ME3: variants seen among roughly 807,000 people sequenced by gnomAD.
ME3 encodes NADP-dependent malic enzyme, mitochondrial.
ME3 carries 48 observed loss-of-function variants against 68.9 expected under a neutral mutation model. That is an observed-to-expected ratio of 0.70 (90% CI 0.55 to 0.89). ME3 has a LOEUF of 0.89. ME3 is among the 40% of genes least tolerant of loss of function. ME3 has a pLI of 0.00. For missense variants in ME3, 675 were observed against 797.4 expected, an observed-to-expected ratio of 0.85 and a Z score of 1.85; for synonymous variants, 320 against 318.8, an observed-to-expected ratio of 1.00 and a Z score of -0.04.
At chr11:86,640,809 CT>C (rs1944619411) in intron 2 of ME3, among the ~76,000 whole-genome samples, 1 of 152,190 alleles carries the variant, frequency 6.6e-6, no homozygotes, top group Non-Finnish European at 1.5e-5. Context: ...CATTCAGTTT[CT>C]TTTCTCTCCT....
chr11:86,497,998 G>A (rs1261091152), exon 6 of ME3: 2 of 1,610,410 alleles, frequency 1.2e-6, no homozygotes, highest in East Asian at 2.2e-5. Context: ...AGCACAGGGA[G>A]GCACTGCTGC....
chr11:86,510,183 T>A (rs771149854), intron 4 of ME3, among the ~76,000 whole-genome samples: 3 of 152,192 alleles, frequency 2.0e-5, no homozygotes, highest in Non-Finnish European at 4.4e-5. Flanking sequence ...CACTGCAGTA[T>A]GTCTTGTCTC....
chr11:86,447,718 C>G (rs917166187), intron 11 of ME3, among the ~76,000 whole-genome samples: 2 of 152,020 alleles, frequency 1.3e-5, no homozygotes, highest in African/African-American at 4.8e-5. Context: ...ATTAGCCAGG[C>G]ATGGTGGCGG....
At position 86,570,682 on chromosome 11, in the gene ME3, C is replaced by T. The variant is rs913205236; in HGVS notation, c.184-10859G>A. Reference sequence around the variant, plus strand: ...GAGTGGAGGATATGCTGCTCATTACCGCCCAGAACCAACTCTAAACCAGCC... The same window carrying T: ...GAGTGGAGGATATGCTGCTCATTACTGCCCAGAACCAACTCTAAACCAGCC... On this transcript the variant is annotated intron_variant, in intron 2 of 14. Transcript: ENST00000543262. Among the ~76,000 whole-genome samples, 7 of 152,296 alleles carry T rather than the reference C, an allele frequency of 4.6e-5. No homozygotes were observed. In the East Asian group the frequency reaches 7.7e-4, roughly 17 times the overall value.
Position 86,570,033 on chromosome 11 carries a change from A to G in ME3, c.184-10210T>C, listed in dbSNP as rs552865814. ...GAGCATTCCTCTGTATTTGCCTCAG[A>G]TCAGTCAGCCCACCTGCAAACAGGT... is the stretch of plus-strand genomic sequence containing the variant. On this transcript the variant is annotated intron_variant, in intron 2 of 14. Transcript: ENST00000543262. 3.3e-5 allele frequency among the ~76,000 whole-genome samples: 5 copies of G among 152,312 alleles called. No individual in the cohort carries two copies. In the South Asian group the frequency reaches 1.0e-3, roughly 32 times the overall value.
rs544899674 is a variant in ME3 at position 86,658,434 on chromosome 11, C to G, written c.183+13328G>C. On this transcript the variant is annotated intron_variant, in intron 2 of 14. Coordinates refer to ENST00000543262, the Ensembl canonical transcript of ME3. The stretch of plus-strand genomic sequence containing the variant: ...CACTGCACTCAGCCTGCAATTTTTC[C>G]TCTGCTTGCAAATAATATATGTAAC... Among the ~76,000 whole-genome samples the G allele has an allele frequency of 2.0e-5, 3 of 151,946 alleles. No homozygotes were observed. The South Asian group carries it at 6.3e-4, about 32-fold the overall frequency.
chr11:86,478,233 A>G (rs1341454272), intron 7 of ME3, among the ~76,000 whole-genome samples: 3 of 151,430 alleles, frequency 2.0e-5, no homozygotes. Flanking sequence ...AATGATCTAT[A>G]AAGGCCATCC....
At chr11:86,463,167 T>C (rs1238650570) in intron 8 of ME3, among the ~76,000 whole-genome samples, 1 of 152,172 alleles carries the variant, frequency 6.6e-6, no homozygotes, top group Non-Finnish European at 1.5e-5. Context: ...CGTGTTCCTG[T>C]GCCTGTGTTT....
At chr11:86,535,418 C>T (rs923465774) in intron 4 of ME3, among the ~76,000 whole-genome samples, 1 of 152,122 alleles carries the variant, frequency 6.6e-6, no homozygotes, top group Non-Finnish European at 1.5e-5. Flanking sequence ...GAGGACTGGA[C>T]ATTATTATTA....
chr11:86,477,528 C>A (rs955622336), intron 7 of ME3, among the ~76,000 whole-genome samples: 14 of 152,132 alleles, frequency 9.2e-5, no homozygotes, highest in African/African-American at 3.4e-4. Context: ...TCCCCGCCAC[C>A]CATAAGACCC....
At chr11:86,519,383 A>AG (rs1294513412) in intron 4 of ME3, among the ~76,000 whole-genome samples, 2 of 152,232 alleles carry the variant, frequency 1.3e-5, no homozygotes, top group African/African-American at 4.8e-5. Context: ...TTATTTCTTG[A>AG]GAAAAAGACT....
intron 7 of ME3, among the ~76,000 whole-genome samples, chr11:86,469,050 C>A (rs188902084): frequency 4.6e-5 from 7 of 151,020 alleles, no homozygotes; most frequent in Non-Finnish European, 8.8e-5. Flanking sequence ...TTTTGATAGC[C>A]TTACAGGTTC....
intron 4 of ME3, among the ~76,000 whole-genome samples, chr11:86,556,227 G>T (rs1427781684): frequency 1.3e-5 from 2 of 152,186 alleles, no homozygotes; most frequent in Admixed American, 6.5e-5. Flanking sequence ...CTTTGGAGGT[G>T]ACCAGAGGGG....
intron 6 of ME3, among the ~76,000 whole-genome samples, chr11:86,497,070 C>T (rs535876323): frequency 2.0e-5 from 3 of 151,584 alleles, no homozygotes; most frequent in African/African-American, 7.3e-5. Flanking sequence ...CAACCTCTGC[C>T]TCCCAGGTTC....
intron 5 of ME3, among the ~76,000 whole-genome samples, chr11:86,501,175 T>TATA (rs5793199): frequency 0.57 from 84,482 of 147,084 alleles, 24,463 homozygotes; most frequent in South Asian, 0.66. Context: ...ATAAAATGCA[T>TATA]ATAATAATAA....
chr11:86,642,689 G>C (rs916561718), intron 2 of ME3, among the ~76,000 whole-genome samples: 2 of 152,126 alleles, frequency 1.3e-5, no homozygotes, highest in African/African-American at 4.8e-5. Flanking sequence ...GGGTGACAGA[G>C]CAAGACCCTG....
At chr11:86,644,801 C>A (rs1184272055) in intron 2 of ME3, among the ~76,000 whole-genome samples, 1 of 152,224 alleles carries the variant, frequency 6.6e-6, no homozygotes, top group Non-Finnish European at 1.5e-5. Context: ...CTCCGGTCTG[C>A]AGCTCCCAAT....
At chr11:86,464,124 G>A in intron 8 of ME3, 1 of 451,356 alleles carries the variant, frequency 2.2e-6, no homozygotes. Flanking sequence ...CTCTGGAGAA[G>A]TCATCTGCAA....
chr11:86,599,909 G>T (rs1372815231), intron 2 of ME3, among the ~76,000 whole-genome samples: 1 of 152,064 alleles, frequency 6.6e-6, no homozygotes, highest in Non-Finnish European at 1.5e-5. Context: ...GAGAGATTTT[G>T]TCACCACCAA....
Sources: gnomAD v4.1 joint callset for allele counts (sites outside exome capture counted in the v4.1 genomes callset) on GRCh38, gnomAD v4.1.1 for gene constraint, MANE v1.5 for transcripts, NCBI Gene and HGNC (gene_info 2026-07-23, HGNC 2026-07-21) for gene names.